The following RGS7 variants were observed in gnomAD, a reference collection of about 807,000 sequenced individuals.
RGS7 encodes the protein regulator of G protein signaling 7.
RGS7 carries 27 observed loss-of-function variants against 81.1 expected under a neutral mutation model. The ratio of observed to expected loss-of-function variants is 0.33; its 90% CI spans 0.25 to 0.46. The LOEUF (loss-of-function observed/expected upper bound fraction) is 0.46. RGS7 is among the 20% of genes least tolerant of loss of function. RGS7 has a pLI of 1.00. For synonymous variants in RGS7, 208 were observed against 207.7 expected, an observed-to-expected ratio of 1.00 and a Z score of -0.01; for missense variants, 396 against 607.4, an observed-to-expected ratio of 0.65 and a Z score of 3.66.
intron 3 of RGS7, among the ~76,000 whole-genome samples, chr1:241,003,569 G>C (rs1164269051): frequency 6.6e-6 from 1 of 151,936 alleles, no homozygotes; most frequent in Non-Finnish European, 1.5e-5. Context: ...AAGAGGACTT[G>C]GTTGGGAAGG....
intron 2 of RGS7, among the ~76,000 whole-genome samples, chr1:241,142,378 G>A (rs1263137508): frequency 1.3e-5 from 2 of 152,198 alleles, no homozygotes; most frequent in Non-Finnish European, 2.9e-5. Context: ...CTCCATGAAA[G>A]CCCTGCCCCT....
intron 2 of RGS7, among the ~76,000 whole-genome samples, chr1:241,286,280 G>A (rs1373965218): frequency 1.3e-5 from 2 of 152,114 alleles, no homozygotes; most frequent in Non-Finnish European, 2.9e-5. Context: ...TAAGTGACTT[G>A]GACAATGTTA....
In RGS7 at chr1:241,043,269, T is replaced by C. The variant is rs150517452; in HGVS notation, c.175+55397A>G. Among the ~76,000 whole-genome samples the C allele has an allele frequency of 6.7e-3, 1,012 of 152,104 alleles. 13 individuals are homozygous for C. Among genetic ancestry groups the C allele is most frequent in the African/African-American group, 0.023 (962 of 41,564 alleles). On this transcript the variant is annotated intron_variant, in intron 3 of 18. Transcript: ENST00000440928. ...ATGAGCTATAACTTAACTGGTTATA[T>C]AATACTTTTGTTACACTATTTTGTC... is the stretch of plus-strand genomic sequence containing the variant.
At chr1:240,980,819 A>C (rs1266184831) in intron 4 of RGS7, among the ~76,000 whole-genome samples, 1 of 152,200 alleles carries the variant, frequency 6.6e-6, no homozygotes, top group Non-Finnish European at 1.5e-5. Flanking sequence ...ACAAACCAAC[A>C]AATCAGAAAC....
chr1:240,890,472 A>AT (rs991005448), intron 6 of RGS7, among the ~76,000 whole-genome samples: 1 of 152,196 alleles, frequency 6.6e-6, no homozygotes, highest in African/African-American at 2.4e-5. Flanking sequence ...TTAGAAGAAG[A>AT]TTATGATAAT....
At chr1:240,871,538 C>T (rs539428685) in intron 6 of RGS7, among the ~76,000 whole-genome samples, 10 of 152,296 alleles carry the variant, frequency 6.6e-5, no homozygotes, top group Admixed American at 3.9e-4. Flanking sequence ...TAGAACACAT[C>T]TTTGTACAAT....
At chr1:240,839,300 G>T (rs934404067) in intron 9 of RGS7, among the ~76,000 whole-genome samples, 1 of 152,068 alleles carries the variant, frequency 6.6e-6, no homozygotes, top group Non-Finnish European at 1.5e-5. Context: ...TTGCCACAGG[G>T]TCTCACATTT....
intron 6 of RGS7, among the ~76,000 whole-genome samples, chr1:240,922,006 C>T (rs1673633367): frequency 6.6e-6 from 1 of 151,574 alleles, no homozygotes. Context: ...TACTATAAAC[C>T]TATAGTAATC....
intron 3 of RGS7, among the ~76,000 whole-genome samples, chr1:241,055,100 A>G (rs1315777737): frequency 6.6e-6 from 1 of 152,168 alleles, no homozygotes; most frequent in Admixed American, 6.5e-5. Flanking sequence ...ATGCTTTTTA[A>G]TTTTAAATAT....
At chr1:241,155,777 T>G (rs1358411066) in intron 2 of RGS7, among the ~76,000 whole-genome samples, 1 of 152,086 alleles carries the variant, frequency 6.6e-6, no homozygotes, top group Non-Finnish European at 1.5e-5. Context: ...ATTTTACAAC[T>G]GAACACTGGG....
At chr1:241,130,447 A>C (rs2066996606) in intron 2 of RGS7, among the ~76,000 whole-genome samples, 1 of 152,104 alleles carries the variant, frequency 6.6e-6, no homozygotes. Flanking sequence ...TGACACATTA[A>C]AAAATGTCCT....
At chr1:240,849,809 C>G (rs1324872092) in intron 9 of RGS7, among the ~76,000 whole-genome samples, 1 of 152,186 alleles carries the variant, frequency 6.6e-6, no homozygotes, top group East Asian at 1.9e-4. Flanking sequence ...GCCTGTAGAA[C>G]GATGAGCCAA....
At position 241,189,845 on chromosome 1, in the gene RGS7, G is replaced by A. The variant is rs1244526379; in HGVS notation, c.79-91083C>T. On this transcript the variant is annotated intron_variant, in intron 2 of 18. Transcript: ENST00000440928. The stretch of plus-strand genomic sequence containing the variant: ...AAATCAATTGGTCAGGCTGGGCGCG[G>A]TGGCTCACGTCTGTAATCCCAGCAC... 2.0e-5 allele frequency among the ~76,000 whole-genome samples: 3 copies of A among 152,136 alleles called. No homozygotes were observed. The East Asian group carries it at 5.8e-4, about 29-fold the overall frequency.
intron 6 of RGS7, 52 bp from the exon 7 acceptor site, chr1:240,870,171 TAAGTAA>T: frequency 2.1e-6 from 3 of 1,463,288 alleles, no homozygotes; most frequent in Non-Finnish European, 1.9e-6. Context: ...CATGGCACTA[TAAGTAA>T]AAGTACAACA....
intron 3 of RGS7, among the ~76,000 whole-genome samples, chr1:241,002,910 C>T (rs1273722378): frequency 1.3e-5 from 2 of 152,164 alleles, no homozygotes; most frequent in Non-Finnish European, 2.9e-5. Flanking sequence ...ACATTCGTAA[C>T]ATGAAAACAA....
At chr1:240,830,419 A>C (rs1455043422) in intron 9 of RGS7, among the ~76,000 whole-genome samples, 1 of 152,214 alleles carries the variant, frequency 6.6e-6, no homozygotes, top group Non-Finnish European at 1.5e-5. Context: ...ATCGACAAGG[A>C]TCTGGAAGAT....
intron 3 of RGS7, among the ~76,000 whole-genome samples, chr1:241,049,198 A>G (rs1009063207): frequency 6.6e-6 from 1 of 152,198 alleles, no homozygotes; most frequent in African/African-American, 2.4e-5. Flanking sequence ...TTCAACCCAT[A>G]ACACTAAGAT....
chr1:241,265,937 G>C (rs7512218), intron 2 of RGS7, among the ~76,000 whole-genome samples: 5,179 of 152,060 alleles, frequency 0.034, 269 homozygotes, highest in African/African-American at 0.11. Flanking sequence ...TGGGATTACA[G>C]GCATATACCA....
At chr1:241,115,514 A>G (rs2065831545) in intron 2 of RGS7, among the ~76,000 whole-genome samples, 1 of 152,190 alleles carries the variant, frequency 6.6e-6, no homozygotes, top group Admixed American at 6.5e-5. Context: ...GGAACTGAAC[A>G]CTAAGAATTC....
Sources: allele counts gnomAD v4.1 joint callset (sites outside exome capture counted in the v4.1 genomes callset), GRCh38; gene constraint gnomAD v4.1.1; transcripts MANE v1.5; gene names NCBI Gene and HGNC (gene_info 2026-07-23, HGNC 2026-07-21).